The following NOS1AP variants were observed in gnomAD, a reference collection of about 807,000 sequenced individuals.
The protein encoded by NOS1AP is nitric oxide synthase 1 adaptor protein.
NOS1AP carries 21 observed loss-of-function variants against 56.2 expected under a neutral mutation model. The ratio of observed to expected loss-of-function variants is 0.37; its 90% confidence interval spans 0.26 to 0.54. NOS1AP has a LOEUF of 0.54. Among genes scored for constraint, NOS1AP ranks in the 20% least tolerant of loss-of-function variants. NOS1AP has a pLI of 0.84. For missense variants in NOS1AP, 522 were observed against 657.8 expected (o/e 0.79, Z 2.26); for synonymous variants, 270 against 274.6 (o/e 0.98, Z 0.17).
intron 2 of NOS1AP, among the ~76,000 whole-genome samples, chr1:162,235,921 C>T (rs1229717154): frequency 6.6e-6 from 1 of 152,170 alleles, no homozygotes. Flanking sequence ...CTAGAAGGCA[C>T]ATAGACATCA....
At chr1:162,092,287 A>G (rs1692152967) in intron 1 of NOS1AP, among the ~76,000 whole-genome samples, 1 of 152,184 alleles carries the variant, frequency 6.6e-6, no homozygotes, top group Non-Finnish European at 1.5e-5. Context: ...CTTAAGATAC[A>G]GGCATGCAGA....
chr1:162,242,903 G>A (rs1376188692), intron 2 of NOS1AP, among the ~76,000 whole-genome samples: 1 of 152,090 alleles, frequency 6.6e-6, no homozygotes, highest in African/African-American at 2.4e-5. Context: ...AAAAGTAGAG[G>A]AGAAAAAGTG....
At chr1:162,153,907 CAGGTATCTAAAACATCT>C (rs1356760803) in intron 1 of NOS1AP, among the ~76,000 whole-genome samples, 2 of 151,736 alleles carry the variant, frequency 1.3e-5, no homozygotes, top group African/African-American at 4.8e-5. Flanking sequence ...TCAAATGTGT[CAGGTATCTAAAACATCT>C]AGGGCTCAAT....
At chr1:162,186,154 C>G (rs1012534197) in intron 2 of NOS1AP, among the ~76,000 whole-genome samples, 68 of 152,080 alleles carry the variant, frequency 4.5e-4, no homozygotes, top group African/African-American at 1.6e-3. Context: ...TATTTAAGAC[C>G]TTAAGAAACA....
At chr1:162,351,438 A>G (rs1463779289) in intron 6 of NOS1AP, among the ~76,000 whole-genome samples, 2 of 152,104 alleles carry the variant, frequency 1.3e-5, no homozygotes, top group African/African-American at 4.8e-5. Flanking sequence ...CAGACCGATT[A>G]CACATTTGTG....
At chr1:162,098,256 A>C (rs1692294277) in intron 1 of NOS1AP, among the ~76,000 whole-genome samples, 1 of 117,708 alleles carries the variant, frequency 8.5e-6, no homozygotes, top group Admixed American at 9.5e-5. Context: ...ACAGGCGTGC[A>C]CCACCATGCC....
intron 1 of NOS1AP, among the ~76,000 whole-genome samples, chr1:162,140,451 A>G (rs761875330): frequency 6.6e-6 from 1 of 152,212 alleles, no homozygotes; most frequent in Non-Finnish European, 1.5e-5. Flanking sequence ...CTCCATCTGC[A>G]TTCACATTGC....
chr1:162,269,881 G>A (rs1167371975), intron 2 of NOS1AP, among the ~76,000 whole-genome samples: 1 of 152,116 alleles, frequency 6.6e-6, no homozygotes, highest in African/African-American at 2.4e-5. Context: ...TAGGTCAAAC[G>A]GGGTGGGTCT....
chr1:162,148,289 G>C (rs1296373378), intron 1 of NOS1AP, among the ~76,000 whole-genome samples: 1 of 152,200 alleles, frequency 6.6e-6, no homozygotes, highest in African/African-American at 2.4e-5. Flanking sequence ...TGTATTTTGA[G>C]CATCTCCTGT....
At chr1:162,239,903 G>A (rs1320398530) in intron 2 of NOS1AP, among the ~76,000 whole-genome samples, 1 of 152,160 alleles carries the variant, frequency 6.6e-6, no homozygotes, top group Non-Finnish European at 1.5e-5. Flanking sequence ...AATAATTCCA[G>A]GAAGTAAAAA....
At chr1:162,296,019 G>A (rs1655446514) in intron 3 of NOS1AP, among the ~76,000 whole-genome samples, 2 of 152,144 alleles carry the variant, frequency 1.3e-5, no homozygotes, top group South Asian at 4.1e-4. Flanking sequence ...GGGTGTGGTG[G>A]CTCACACCTG....
chr1:162,363,747 CA>C, intron 8 of NOS1AP: 5 of 971,294 alleles, frequency 5.1e-6, no homozygotes, highest in Non-Finnish European at 6.1e-6. Context: ...GGATGAAGAC[CA>C]AACATGTATT....
chr1:162,336,498 C>T (rs888339988), intron 5 of NOS1AP, among the ~76,000 whole-genome samples: 4 of 152,190 alleles, frequency 2.6e-5, no homozygotes, highest in African/African-American at 9.7e-5. Context: ...TGAAGAGCTC[C>T]TTAACTCCGA....
In NOS1AP at chr1:162,190,204, C is replaced by T. The variant is rs368278568; in HGVS notation, c.177+35728C>T. Among the ~76,000 whole-genome samples, 93 of 152,274 alleles carry T rather than the reference C, an allele frequency of 6.1e-4. 1 individual carries two copies. The highest frequency in any genetic ancestry group is 2.2e-3 in the African/African-American group (91 of 41,566). Reference sequence around the variant, plus strand: ...CCTCTCTGGCCATGTTCACATAGAACGTGTTTCATCTCTGCTCCCCATGAT... The same window carrying T: ...CCTCTCTGGCCATGTTCACATAGAATGTGTTTCATCTCTGCTCCCCATGAT... On this transcript the variant is annotated intron_variant, in intron 2 of 9. Transcript: ENST00000361897.
At chr1:162,309,417 A>G (rs1655954235) in intron 4 of NOS1AP, among the ~76,000 whole-genome samples, 1 of 152,244 alleles carries the variant, frequency 6.6e-6, no homozygotes, top group African/African-American at 2.4e-5. Context: ...TTTGATGGCA[A>G]AAAATGTAAG....
chr1:162,363,883 A>T, intron 8 of NOS1AP: 1 of 985,432 alleles, frequency 1.0e-6, no homozygotes, highest in Non-Finnish European at 1.2e-6. Flanking sequence ...TGGAGGACAG[A>T]TTTAGTTTAA....
At chr1:162,137,125 A>G (rs1313817445) in intron 1 of NOS1AP, among the ~76,000 whole-genome samples, 3 of 152,102 alleles carry the variant, frequency 2.0e-5, no homozygotes, top group Non-Finnish European at 4.4e-5. Flanking sequence ...TGCTTCTTTG[A>G]CTTTGTCTTT....
At chr1:162,070,326 G>T (rs373463726) in intron 1 of NOS1AP, 44 bp downstream of exon 1, 4 of 1,536,944 alleles carry the variant, frequency 2.6e-6, no homozygotes, top group Non-Finnish European at 2.7e-6. Flanking sequence ...TGGCGGTTGG[G>T]GGGGCATGTT....
chr1:162,072,753 C>T (rs1276472154), intron 1 of NOS1AP, among the ~76,000 whole-genome samples: 1 of 152,214 alleles, frequency 6.6e-6, no homozygotes, highest in Non-Finnish European at 1.5e-5. Context: ...CTTTTCTGTC[C>T]TACATGCTCC....
Sources: gnomAD v4.1 joint callset for allele counts (sites outside exome capture counted in the v4.1 genomes callset) on GRCh38, gnomAD v4.1.1 for gene constraint, MANE v1.5 for transcripts, NCBI Gene and HGNC (gene_info 2026-07-23, HGNC 2026-07-21) for gene names.